HNRNPLL: variants seen among roughly 807,000 people sequenced by gnomAD.
HNRNPLL encodes the protein heterogeneous nuclear ribonucleoprotein L like.
Under a neutral mutation model 67.1 loss-of-function variants are expected in HNRNPLL, and 25 were observed. That is an observed-to-expected ratio of 0.37 (90% CI 0.27 to 0.52). The LOEUF (loss-of-function observed/expected upper bound fraction) is 0.52, where lower values mean the gene tolerates loss of function less well. HNRNPLL is among the 20% of genes least tolerant of loss of function. The pLI is 0.90. For synonymous variants in HNRNPLL, 267 were observed against 241.7 expected, an observed-to-expected ratio of 1.10 and a Z score of -0.97; for missense variants, 542 against 673.9, an observed-to-expected ratio of 0.80 and a Z score of 2.17.
At chr2:38,582,446 G>A (rs1189685717) in intron 4 of HNRNPLL, among the ~76,000 whole-genome samples, 1 of 152,104 alleles carries the variant, frequency 6.6e-6, no homozygotes, top group Non-Finnish European at 1.5e-5. Context: ...AAGTAGCTGG[G>A]ACTACAGGTG....
chr2:38,579,862 C>G (rs944281951), intron 6 of HNRNPLL, among the ~76,000 whole-genome samples: 1 of 151,928 alleles, frequency 6.6e-6, no homozygotes, highest in African/African-American at 2.4e-5. Flanking sequence ...AAAACATAAA[C>G]TGTTATGGTC....
rs1665736820 is a variant in HNRNPLL, at chr2:38,563,507, C to T, written c.*675G>A. On this transcript the variant is annotated 3_prime_UTR_variant, in exon 13 of 13. Transcript: ENST00000449105. ...CAACAAATGAAAATGAACACATTAA[C>T]TCATTGTTATAACTTTATAAAATCT... The T allele has an allele frequency of 6.6e-6, 1 of 152,132 alleles. No individual in the cohort carries two copies. The highest frequency in any genetic ancestry group is 2.4e-5 in the African/African-American group (1 of 41,530). 9.4% of individuals were successfully genotyped at this position (152,132 alleles called of 1,614,324 possible).
chr2:38,602,881 C>T lies in HNRNPLL; in HGVS notation c.-255G>A, dbSNP rs1377763547. 1.9e-6 allele frequency: 3 copies of T among 1,548,742 alleles called. No individual in the cohort carries two copies. Among genetic ancestry groups the T allele is most frequent in the African/African-American group, 1.4e-5 (1 of 72,900 alleles). ...CCGAGCCAACATTCAGCCTCTCCCT[C>T]CTCCTCCTCCGTCTCCGCTCCCTGC... On this transcript the variant is annotated 5_prime_UTR_variant, in exon 1 of 13. Transcript: ENST00000449105.
chr2:38,600,124 T>C (rs528930957), intron 1 of HNRNPLL: 2 of 197,858 alleles, frequency 1.0e-5, no homozygotes, highest in African/African-American at 4.7e-5. Flanking sequence ...AAAAATTACA[T>C]GAAAAATATT....
rs577532075 is a variant in HNRNPLL, at chr2:38,590,785, T to C, written c.308+745A>G. ...ACTTCTGGAGGCTGAGGTGGGAGGA[T>C]AGCTTGAGCCCAGGACAGCAGCTGA... On this transcript the variant is annotated intron_variant, in intron 2 of 12. Coordinates refer to ENST00000449105, the MANE Select transcript of HNRNPLL (RefSeq NM_138394.4). 2.0e-5 allele frequency among the ~76,000 whole-genome samples: 3 copies of C among 152,218 alleles called. No individual in the cohort carries two copies. In the East Asian group the frequency reaches 5.8e-4, roughly 29 times the overall value.
Position 38,563,254 on chromosome 2 carries a change from A to G in HNRNPLL, c.*928T>C, listed in dbSNP as rs1665727650. The G allele has an allele frequency of 6.6e-6, 1 of 152,090 alleles. No individual in the cohort carries two copies. The highest frequency in any genetic ancestry group is 2.4e-5 in the African/African-American group (1 of 41,444). The allele number at this position is 152,090 out of a possible 1,614,324, so 9.4% of individuals were successfully genotyped here. On this transcript the variant is annotated 3_prime_UTR_variant, in exon 13 of 13. Coordinates refer to ENST00000449105, the MANE Select transcript of HNRNPLL (RefSeq NM_138394.4). ...GCTATCTGTTTGGAATAAAAATAAA[A>G]TTAGATCCTTAAATCTTGTACCATA...
intron 8 of HNRNPLL, 88 bp from the exon 9 acceptor site, chr2:38,570,013 A>C: frequency 2.3e-6 from 2 of 854,158 alleles, no homozygotes; most frequent in Non-Finnish European, 3.7e-6. Context: ...CTAAGTGGTT[A>C]AAGTAAAATA....
At chr2:38,590,596 T>A (rs187619331) in intron 2 of HNRNPLL, among the ~76,000 whole-genome samples, 1 of 152,324 alleles carries the variant, frequency 6.6e-6, no homozygotes, top group Admixed American at 6.5e-5. Context: ...GCAGATTCAC[T>A]TTTCTAATTA....
At position 38,568,454 on chromosome 2, in the gene HNRNPLL, A is replaced by G; in HGVS notation, c.1417-11T>C. ...ATGGTCATTACACAACTGTCAAAGAAAGTAAAACTTCATTAAAAATATAGC... is the reference window on the plus strand; with the variant it reads ...ATGGTCATTACACAACTGTCAAAGAGAGTAAAACTTCATTAAAAATATAGC... On this transcript the variant is annotated splice_polypyrimidine_tract_variant and intron_variant, in intron 10 of 12. Coordinates refer to ENST00000449105, the MANE Select transcript of HNRNPLL (RefSeq NM_138394.4). The G allele has an allele frequency of 6.5e-7, 1 of 1,544,556 alleles. No homozygotes were observed. Among genetic ancestry groups the G allele is most frequent in the Non-Finnish European group, 8.8e-7 (1 of 1,134,952 alleles).
intron 8 of HNRNPLL, among the ~76,000 whole-genome samples, chr2:38,572,215 T>C (rs1166848492): frequency 6.6e-6 from 1 of 151,266 alleles, no homozygotes; most frequent in East Asian, 1.9e-4. Flanking sequence ...ATGTGGAATG[T>C]TTTGTTTTGT....
chr2:38,597,267 T>G (rs751076034), intron 1 of HNRNPLL, among the ~76,000 whole-genome samples: 7 of 152,228 alleles, frequency 4.6e-5, no homozygotes, highest in Non-Finnish European at 7.3e-5. Flanking sequence ...ACACCTAAGT[T>G]TACTCTTCAG....
At chr2:38,580,422 A>G (rs533621983) in intron 6 of HNRNPLL, among the ~76,000 whole-genome samples, 1 of 152,388 alleles carries the variant, frequency 6.6e-6, no homozygotes, top group African/African-American at 2.4e-5. Context: ...TAAAGGAGCC[A>G]ATCATCTAAA....
intron 7 of HNRNPLL, 75 bp downstream of exon 7, chr2:38,577,386 G>C: frequency 3.3e-6 from 3 of 914,614 alleles, no homozygotes; most frequent in Non-Finnish European, 5.5e-6. Flanking sequence ...GACAAGAAAT[G>C]TGCCATACTT....
At chr2:38,596,175 CCT>C (rs1056440656) in intron 1 of HNRNPLL, among the ~76,000 whole-genome samples, 3 of 152,168 alleles carry the variant, frequency 2.0e-5, no homozygotes, top group Non-Finnish European at 4.4e-5. Flanking sequence ...TCGTTTTCCC[CCT>C]TTTCCCCCAA....
intron 1 of HNRNPLL, chr2:38,599,813 C>A: frequency 2.2e-6 from 1 of 451,842 alleles, no homozygotes; most frequent in Non-Finnish European, 4.5e-6. Context: ...CATAAAAAAC[C>A]AAGCAATGTA....
At chr2:38,572,707 G>A (rs1005626972) in intron 8 of HNRNPLL, among the ~76,000 whole-genome samples, 3 of 152,144 alleles carry the variant, frequency 2.0e-5, no homozygotes, top group Admixed American at 6.5e-5. Context: ...ATCAAAGTGG[G>A]TCAGTTTCAA....
chr2:38,595,068 C>T (rs944359958), intron 1 of HNRNPLL, among the ~76,000 whole-genome samples: 3 of 151,372 alleles, frequency 2.0e-5, no homozygotes, highest in Non-Finnish European at 4.4e-5. Context: ...GTTCGAGGCT[C>T]AGGAGTTTGA....
Position 38,563,141 on chromosome 2 carries a change from C to T in HNRNPLL, c.*1041G>A, listed in dbSNP as rs1665724083. 1 of 151,278 alleles carries T rather than the reference C, an allele frequency of 6.6e-6. No individual in the cohort carries two copies. Among genetic ancestry groups the T allele is most frequent in the South Asian group, 2.1e-4 (1 of 4,812 alleles). 9.4% of individuals were successfully genotyped at this position (151,278 alleles called of 1,614,324 possible). A position where few individuals can be genotyped will look rare whatever the true frequency, so the allele number is the denominator to read the frequency against. On this transcript the variant is annotated 3_prime_UTR_variant, in exon 13 of 13. Coordinates refer to ENST00000449105, the MANE Select transcript of HNRNPLL (RefSeq NM_138394.4). ...TGTTTGGTCCTTAAATCTTACTTGC[C>T]TATGTATAAAATCTATTATCTTAAA... is the stretch of plus-strand genomic sequence containing the variant.
chr2:38,570,174 T>A (rs1666016395), intron 8 of HNRNPLL, among the ~76,000 whole-genome samples: 1 of 152,326 alleles, frequency 6.6e-6, no homozygotes, highest in South Asian at 2.1e-4. Flanking sequence ...ATTAATTGTG[T>A]GATTTGAGGG....
Sources: gnomAD v4.1 joint callset for allele counts (sites outside exome capture counted in the v4.1 genomes callset) on GRCh38, gnomAD v4.1.1 for gene constraint, MANE v1.5 for transcripts, NCBI Gene and HGNC (gene_info 2026-07-23, HGNC 2026-07-21) for gene names.